The following SEPTIN6 variants were observed in gnomAD, a reference collection of about 807,000 sequenced individuals.
SEPTIN6 encodes the protein septin-6.
A neutral mutation model predicts 33.6 loss-of-function variants in SEPTIN6; 8 were observed. That is an observed-to-expected ratio of 0.24 (90% CI 0.14 to 0.43). The LOEUF (loss-of-function observed/expected upper bound fraction) is 0.43. SEPTIN6 is among the 20% of genes least tolerant of loss of function. The pLI is 1.00. For synonymous variants in SEPTIN6, 131 were observed against 140.0 expected, an observed-to-expected ratio of 0.94 and a Z score of 0.45; for missense variants, 250 against 340.8, an observed-to-expected ratio of 0.73 and a Z score of 2.10.
chrX:119,658,105 C>T (rs996076334), intron 3 of SEPTIN6, among the ~76,000 whole-genome samples: 8 of 112,126 alleles, frequency 7.1e-5, no homozygotes, highest in African/African-American at 1.6e-4. Flanking sequence ...CCCGTCTGGG[C>T]AACAGTGCGA....
intron 1 of SEPTIN6, among the ~76,000 whole-genome samples, chrX:119,692,298 C>A (rs1389919511): frequency 9.2e-6 from 1 of 108,504 alleles, no homozygotes; most frequent in African/African-American, 3.4e-5. Flanking sequence ...CCAAAATACG[C>A]AGCCAGCCAC....
intron 3 of SEPTIN6, 36 bp downstream of exon 3, chrX:119,663,446 C>T: frequency 1.1e-6 from 1 of 893,616 alleles, no homozygotes; most frequent in Non-Finnish European, 1.6e-6. Flanking sequence ...CCTCTACCAA[C>T]CTCCCCACCC....
chrX:119,620,475 C>T (rs1260034732), intron 10 of SEPTIN6, among the ~76,000 whole-genome samples: 5 of 109,073 alleles, frequency 4.6e-5, no homozygotes, highest in African/African-American at 1.0e-4. Flanking sequence ...CCCGCCGCCA[C>T]ACCCGGCTAA....
At chrX:119,675,525 A>G in intron 2 of SEPTIN6, 29 bp downstream of exon 2, 2 of 912,689 alleles carry the variant, frequency 2.2e-6, no homozygotes, top group Non-Finnish European at 3.0e-6. Context: ...ATATTCTGTA[A>G]TAGAATTTCC....
intron 3 of SEPTIN6, among the ~76,000 whole-genome samples, chrX:119,655,328 G>A (rs2054422609): frequency 9.1e-6 from 1 of 110,238 alleles, no homozygotes; most frequent in Non-Finnish European, 1.9e-5. Context: ...ACATAGTAAA[G>A]TTTCCGCTAC....
In SEPTIN6 at chrX:119,673,295, T is replaced by G. The variant is rs771374727; in HGVS notation, c.145+2259A>C. On this transcript the variant is annotated intron_variant, in intron 2 of 10. Coordinates refer to ENST00000394610, the MANE Select transcript of SEPTIN6 (RefSeq NM_145799.4). ...GGAGGAATGCTTGAGCCTGGGAGGT[T>G]GAGGCTGCAGTGAGCCTCTGCACTC... is the stretch of plus-strand genomic sequence containing the variant. 1.7e-4 allele frequency among the ~76,000 whole-genome samples: 19 copies of G among 110,602 alleles called. No individual in the cohort carries two copies. In the South Asian group the frequency reaches 7.3e-3, roughly 42 times the overall value.
chrX:119,620,586 TG>T (rs775404675), intron 10 of SEPTIN6, among the ~76,000 whole-genome samples: 110 of 110,378 alleles, frequency 1.0e-3, no homozygotes, highest in Non-Finnish European at 1.3e-3. Flanking sequence ...CCCAAAGTGC[TG>T]GGATTACAGG....
intron 3 of SEPTIN6, among the ~76,000 whole-genome samples, chrX:119,658,081 A>G (rs780194781): frequency 3.6e-5 from 4 of 112,046 alleles, no homozygotes; most frequent in South Asian, 3.7e-4. Flanking sequence ...AAGCCGAGAT[A>G]GCGCCACTGC....
chrX:119,639,086 G>A (rs1255763703), intron 6 of SEPTIN6, among the ~76,000 whole-genome samples: 5 of 112,133 alleles, frequency 4.5e-5, no homozygotes, highest in African/African-American at 1.3e-4. Context: ...CCCCAGCTCC[G>A]AACAGCAGAG....
intron 3 of SEPTIN6, among the ~76,000 whole-genome samples, chrX:119,661,189 G>A (rs2054535764): frequency 9.2e-6 from 1 of 108,491 alleles, no homozygotes; most frequent in Non-Finnish European, 1.9e-5. Flanking sequence ...ACTTTGGGAG[G>A]TCAAGGAGGG....
chrX:119,616,235 G>A (rs1165942422), downstream of SEPTIN6: 3 of 284,492 alleles, frequency 1.1e-5, no homozygotes, highest in East Asian at 1.7e-4. Flanking sequence ...GAATGCTGAA[G>A]AAGATACAAA....
chrX:119,668,764 C>T (rs187358480), intron 2 of SEPTIN6, among the ~76,000 whole-genome samples: 53 of 111,746 alleles, frequency 4.7e-4, no homozygotes, highest in Non-Finnish European at 8.1e-4. Context: ...ACCAGCCTGA[C>T]CAACATAGAC....
chrX:119,676,588 A>G (rs1186967033), intron 1 of SEPTIN6, among the ~76,000 whole-genome samples: 1 of 111,780 alleles, frequency 8.9e-6, no homozygotes, highest in Non-Finnish European at 1.9e-5. Context: ...TGGGCAACAC[A>G]GTGAGACAAC....
rs2053683429 is a variant in SEPTIN6, at chrX:119,617,436, G to A, written c.*2657C>T. 1.2e-6 allele frequency: 1 copy of A among 803,636 alleles called. No homozygotes were observed. The highest frequency in any genetic ancestry group is 1.5e-6 in the Non-Finnish European group (1 of 669,820). 66.2% of individuals were successfully genotyped at this position (803,636 alleles called of 1,213,427 possible). ...CTTCCCTGATTATAAGGGTCACCTA[G>A]GGCACCTGTTACACACAGTCTCCTG... On this transcript the variant is annotated 3_prime_UTR_variant, in exon 11 of 11. Transcript: ENST00000394610.
chrX:119,631,269 C>T (rs1437026265), intron 8 of SEPTIN6, among the ~76,000 whole-genome samples: 2 of 108,121 alleles, frequency 1.8e-5, no homozygotes, highest in Non-Finnish European at 3.8e-5. Context: ...CAACCTCCGC[C>T]TCCCAGGTTC....
At chrX:119,625,156 C>T (rs1001235754) in intron 10 of SEPTIN6, among the ~76,000 whole-genome samples, 179 bp downstream of exon 10, 2 of 112,001 alleles carry the variant, frequency 1.8e-5, no homozygotes, top group Non-Finnish European at 3.8e-5. Flanking sequence ...GCAGGCATTC[C>T]ACATGTACAC....
rs776866285 is a variant in SEPTIN6, at chrX:119,679,407, A to G, written c.31-3739T>C. 3.5e-4 allele frequency among the ~76,000 whole-genome samples: 39 copies of G among 111,800 alleles called. 1 individual carries two copies. The highest frequency in any genetic ancestry group is 1.2e-3 in the African/African-American group (36 of 30,778). ...AGGGTGTTTGCTTGATTGGATGGAC[A>G]GAGAGACTAGGAGCAGGAAGACATA... On this transcript the variant is annotated intron_variant, in intron 1 of 10. Transcript: ENST00000394610.
chrX:119,691,971 G>A (rs531308432), intron 1 of SEPTIN6, among the ~76,000 whole-genome samples: 13 of 111,430 alleles, frequency 1.2e-4, no homozygotes, highest in East Asian at 5.6e-4. Flanking sequence ...AATAGCTAGG[G>A]TGTCCCCCCC....
chrX:119,636,550 C>T (rs1026341994), intron 7 of SEPTIN6, among the ~76,000 whole-genome samples: 11 of 111,652 alleles, frequency 9.9e-5, no homozygotes, highest in African/African-American at 3.6e-4. Flanking sequence ...GGCATGCTAC[C>T]TGGTCCTATC....
Sources: gnomAD v4.1 joint callset for allele counts (sites outside exome capture counted in the v4.1 genomes callset) on GRCh38, gnomAD v4.1.1 for gene constraint, MANE v1.5 for transcripts, NCBI Gene and HGNC (gene_info 2026-07-23, HGNC 2026-07-21) for gene names.